Variants in ATP8A1 observed in about 807,000 individuals in gnomAD.
ATP8A1 encodes the protein ATPase phospholipid transporting 8A1.
Under a neutral mutation model 177.7 loss-of-function variants are expected in ATP8A1, and 90 were observed. That is an observed-to-expected ratio of 0.51 (90% CI 0.43 to 0.60). The LOEUF is 0.60. Among genes scored for constraint, ATP8A1 ranks in the 20% least tolerant of loss-of-function variants. ATP8A1 has a pLI of 0.00. For synonymous variants in ATP8A1, 493 were observed against 485.9 expected (o/e 1.01, Z -0.19); for missense variants, 1,072 against 1,392.8 (o/e 0.77, Z 3.67).
In ATP8A1 at chr4:42,444,486, C is replaced by A. The variant is rs563477863; in HGVS notation, c.3015+92G>T. ...TGGACTAGGACATATTAACCTGGGA[C>A]ATATCAAGTTAGAGTGAAGACCACC... On this transcript the variant is annotated intron_variant, in intron 32 of 36. Coordinates refer to ENST00000381668, the MANE Select transcript of ATP8A1 (RefSeq NM_006095.2). 11 of 1,215,752 alleles carry A rather than the reference C, an allele frequency of 9.0e-6. No homozygotes were observed. The South Asian group carries it at 1.2e-4, about 13-fold the overall frequency. 75.3% of individuals were successfully genotyped at this position (1,215,752 alleles called of 1,614,324 possible).
intron 33 of ATP8A1, among the ~76,000 whole-genome samples, chr4:42,430,611 T>G (rs900165201): frequency 6.6e-6 from 1 of 152,130 alleles, no homozygotes; most frequent in African/African-American, 2.4e-5. Context: ...ATATTTTCCC[T>G]GATCCTCTCT....
At chr4:42,448,352 C>T (rs1560335095) in intron 30 of ATP8A1, among the ~76,000 whole-genome samples, 2 of 149,428 alleles carry the variant, frequency 1.3e-5, no homozygotes, top group Non-Finnish European at 1.5e-5. Context: ...GTCTTTGATA[C>T]TACATCAAAA....
chr4:42,448,834 T>G (rs1717600651), intron 30 of ATP8A1, among the ~76,000 whole-genome samples: 1 of 23,962 alleles, frequency 4.2e-5, no homozygotes, highest in Non-Finnish European at 8.8e-5. Flanking sequence ...TTGCGTTTTT[T>G]TTTTTTTTTT....
At chr4:42,480,729 G>GA (rs768805280) in intron 25 of ATP8A1, among the ~76,000 whole-genome samples, 1 of 152,186 alleles carries the variant, frequency 6.6e-6, no homozygotes, top group Non-Finnish European at 1.5e-5. Context: ...GGAGTAAGGT[G>GA]AAAGGTTTTG....
chr4:42,414,329 C>G (rs1347821848), intron 36 of ATP8A1, among the ~76,000 whole-genome samples: 2 of 152,124 alleles, frequency 1.3e-5, no homozygotes, highest in South Asian at 4.1e-4. Flanking sequence ...AAGACAGGGG[C>G]AGCTTTTAAG....
chr4:42,506,546 T>C (rs1724382241), intron 23 of ATP8A1, among the ~76,000 whole-genome samples: 2 of 152,092 alleles, frequency 1.3e-5, no homozygotes, highest in Non-Finnish European at 2.9e-5. Flanking sequence ...GGAAGAGACA[T>C]AAGGAGTAGT....
chr4:42,461,779 G>C (rs1011441775), intron 27 of ATP8A1, among the ~76,000 whole-genome samples: 5 of 152,152 alleles, frequency 3.3e-5, no homozygotes, highest in Non-Finnish European at 7.3e-5. Context: ...AAAAAGACAA[G>C]AAAACGTGCG....
intron 33 of ATP8A1, among the ~76,000 whole-genome samples, chr4:42,440,230 C>T (rs1716470503): frequency 6.6e-6 from 1 of 152,224 alleles, no homozygotes; most frequent in Non-Finnish European, 1.5e-5. Context: ...TGATCTCTCA[C>T]CTGTTTTACT....
chr4:42,502,057 CA>C (rs1560396136), intron 24 of ATP8A1, among the ~76,000 whole-genome samples: 1 of 146,960 alleles, frequency 6.8e-6, no homozygotes, highest in Non-Finnish European at 1.5e-5. Context: ...TTTTTTTTTT[CA>C]AAAAAGAAGC....
chr4:42,430,141 T>C (rs1715107982), intron 33 of ATP8A1, among the ~76,000 whole-genome samples: 1 of 152,126 alleles, frequency 6.6e-6, no homozygotes, highest in African/African-American at 2.4e-5. Context: ...AACAAAAACA[T>C]TTAAATGAAA....
chr4:42,532,163 G>A (rs1220678744), intron 20 of ATP8A1, among the ~76,000 whole-genome samples: 2 of 151,352 alleles, frequency 1.3e-5, no homozygotes, highest in African/African-American at 4.9e-5. Flanking sequence ...AAATACACGG[G>A]AATAAATTTA....
At chr4:42,621,259 T>C (rs1737438750) in intron 4 of ATP8A1, among the ~76,000 whole-genome samples, 1 of 152,228 alleles carries the variant, frequency 6.6e-6, no homozygotes, top group African/African-American at 2.4e-5. Context: ...TCTTAAATAC[T>C]TGGATGATTT....
chr4:42,433,856 T>TAAAA (rs35018755), intron 33 of ATP8A1, among the ~76,000 whole-genome samples: 3 of 139,358 alleles, frequency 2.2e-5, no homozygotes, highest in African/African-American at 5.3e-5. Context: ...AAGAGAGTAA[T>TAAAA]AAAAAAAAAA....
At chr4:42,638,054 G>A (rs1739569143) in intron 1 of ATP8A1, among the ~76,000 whole-genome samples, 1 of 152,142 alleles carries the variant, frequency 6.6e-6, no homozygotes, top group South Asian at 2.1e-4. Flanking sequence ...CTCTAATATG[G>A]GGAAGTAACA....
rs576356442 is a variant in ATP8A1 at position 42,575,760 on chromosome 4, T to C, written c.1129-61A>G. ...GGTAATAAGGAATTGGGTGAAACTTTAAAAGAAAACAATTAGTATATTCGT... is the reference window on the plus strand; with the variant it reads ...GGTAATAAGGAATTGGGTGAAACTTCAAAAGAAAACAATTAGTATATTCGT... On this transcript the variant is annotated intron_variant, in intron 12 of 36. Coordinates refer to ENST00000381668, the MANE Select transcript of ATP8A1 (RefSeq NM_006095.2). 60 of 1,395,332 alleles carry C rather than the reference T, an allele frequency of 4.3e-5. No individual in the cohort carries two copies. The South Asian group carries it at 6.8e-4, about 16-fold the overall frequency. The allele number at this position is 1,395,332 out of a possible 1,614,324, so 86.4% of individuals were successfully genotyped here.
rs199975147 is a variant in ATP8A1, at chr4:42,455,299, T to C, written c.2815A>G (p.Lys939Glu). Residue 939 changes from lysine to glutamate, a missense_variant and splice_region_variant, in exon 29 of 37, where the codon AAG becomes GAG. By Grantham distance (56) the Lys-to-Glu change is moderately conservative. Transcript: ENST00000381668. ...CCAGCCAGGGCACTGTGTCCTACCT[T>C]GGTGTTGAAGTCCAGGGCATTCTGA... ...TSQNALDFNTKVFWVHCLNGL... is the reference protein window; with the variant it reads ...TSQNALDFNTEVFWVHCLNGL... 6.2e-7 allele frequency: 1 copy of C among 1,613,642 alleles called. No homozygotes were observed. The highest frequency in any genetic ancestry group is 1.7e-5 in the Admixed American group (1 of 60,008).
At chr4:42,426,796 C>T (rs140950535) in intron 33 of ATP8A1, among the ~76,000 whole-genome samples, 89 of 152,282 alleles carry the variant, frequency 5.8e-4, no homozygotes, top group African/African-American at 2.0e-3. Context: ...TCACAGCACA[C>T]GCTTGTCTTA....
chr4:42,507,780 TAAAAAAAAAAAA>T, intron 22 of ATP8A1, among the ~76,000 whole-genome samples: 2 of 17,700 alleles, frequency 1.1e-4, no homozygotes, highest in African/African-American at 1.9e-4. Context: ...ACAGGCATTC[TAAAAAAAAAAAA>T]AAAAAAAAAA....
chr4:42,560,174 C>A (rs1185248117), intron 15 of ATP8A1, among the ~76,000 whole-genome samples: 6 of 152,066 alleles, frequency 3.9e-5, no homozygotes, highest in Admixed American at 6.6e-5. Flanking sequence ...GCAGTGTGTA[C>A]AGTATGCTTC....
Sources: allele counts gnomAD v4.1 joint callset (sites outside exome capture counted in the v4.1 genomes callset), GRCh38; gene constraint gnomAD v4.1.1; transcripts MANE v1.5; gene names NCBI Gene and HGNC (gene_info 2026-07-23, HGNC 2026-07-21).